The following NKAPD1 variants were observed in gnomAD, a reference collection of about 807,000 sequenced individuals.
The protein encoded by NKAPD1 is NKAP domain containing 1.
NKAPD1 carries 12 observed loss-of-function variants against 30.9 expected under a neutral mutation model. The observed-to-expected ratio is 0.39, with a 90% CI of 0.25 to 0.63. NKAPD1 has a LOEUF of 0.63. Ranked by LOEUF, NKAPD1 falls within the 20% of genes least tolerant of loss-of-function variation. The pLI is 0.51. For missense variants in NKAPD1, 311 were observed against 344.5 expected (o/e 0.90, Z 0.77); for synonymous variants, 91 against 113.6 (o/e 0.80, Z 1.26).
chr11:112,082,308 A>G, intron 5 of NKAPD1, 157 bp from the exon 6 acceptor site: 1 of 764,166 alleles, frequency 1.3e-6, no homozygotes, highest in Non-Finnish European at 2.0e-6. Flanking sequence ...TGAGGAAACA[A>G]AAACTCAATG....
rs1192560465 is a variant in NKAPD1 at position 112,083,936 on chromosome 11, A to G, written c.*964A>G. 8 of 152,612 alleles carry G rather than the reference A, an allele frequency of 5.2e-5. No homozygotes were observed. Among genetic ancestry groups the G allele is most frequent in the Non-Finnish European group, 2.9e-5 (2 of 68,030 alleles). The allele number at this position is 152,612 out of a possible 1,614,324, so 9.5% of individuals were successfully genotyped here. A position where few individuals can be genotyped will look rare whatever the true frequency, so the allele number is the denominator to read the frequency against. ...TCTTCCCAGTCTGCCTTTGGATTAA[A>G]GCACCAAGCAGAGACCACATTAATT... On this transcript the variant is annotated 3_prime_UTR_variant, in exon 6 of 6. Coordinates refer to ENST00000393047, the MANE Select transcript of NKAPD1 (RefSeq NM_018195.4).
chr11:112,080,359 A>T lies in NKAPD1; in HGVS notation c.171-50A>T, dbSNP rs376244466. On this transcript the variant is annotated intron_variant, in intron 3 of 5. Coordinates refer to ENST00000393047, the MANE Select transcript of NKAPD1 (RefSeq NM_018195.4). Reference sequence around the variant, plus strand: ...TTTGTGCATGATGTTCCATAAAGTAAACTCACAGATTGCTTTTACATCTAA... The same window carrying T: ...TTTGTGCATGATGTTCCATAAAGTATACTCACAGATTGCTTTTACATCTAA... The T allele has an allele frequency of 5.0e-6, 8 of 1,601,054 alleles. No individual in the cohort carries two copies. The African/African-American group carries it at 8.1e-5, about 16-fold the overall frequency.
intron 3 of NKAPD1, among the ~76,000 whole-genome samples, chr11:112,079,933 C>T (rs1417168324): frequency 6.6e-6 from 1 of 152,130 alleles, no homozygotes; most frequent in Non-Finnish European, 1.5e-5. Flanking sequence ...CTGCCTCAGC[C>T]TTCCAAGTAG....
At chr11:112,079,231 C>T (rs112116519) in intron 3 of NKAPD1, among the ~76,000 whole-genome samples, 1,951 of 150,730 alleles carry the variant, frequency 0.013, 36 homozygotes, top group African/African-American at 0.044. Flanking sequence ...CTGCAACCTC[C>T]GCCTCCTGGA....
intron 5 of NKAPD1, 179 bp downstream of exon 5, chr11:112,082,214 C>T (rs1480552170): frequency 2.4e-5 from 17 of 704,574 alleles, no homozygotes; most frequent in Non-Finnish European, 3.7e-5. Context: ...TTTGGCATGT[C>T]TGTAAGCATT....
rs1865517897 is a variant in NKAPD1, at chr11:112,083,879, A to C, written c.*907A>C. 6.6e-6 allele frequency: 1 copy of C among 152,566 alleles called. No homozygotes were observed. The highest frequency in any genetic ancestry group is 1.5e-5 in the Non-Finnish European group (1 of 68,030). The allele number at this position is 152,566 out of a possible 1,614,324, so 9.5% of individuals were successfully genotyped here. On this transcript the variant is annotated 3_prime_UTR_variant, in exon 6 of 6. Coordinates refer to ENST00000393047, the MANE Select transcript of NKAPD1 (RefSeq NM_018195.4). ...TGAAACTAAGTTGAATTATTTCCAA[A>C]ATGAAACAGGCTTCTCAGGGACATA...
chr11:112,078,071 C>T, intron 2 of NKAPD1, 144 bp from the exon 3 acceptor site: 1 of 568,248 alleles, frequency 1.8e-6, no homozygotes, highest in Non-Finnish European at 3.1e-6. Flanking sequence ...GTGTCAAACT[C>T]TTGACCTCAT....
chr11:112,080,341 A>G, intron 3 of NKAPD1, 68 bp from the exon 4 acceptor site: 4 of 1,517,202 alleles, frequency 2.6e-6, no homozygotes, highest in African/African-American at 1.4e-5. Context: ...AGTTTTGTGC[A>G]TGATGTTCCA....
intron 2 of NKAPD1, 113 bp downstream of exon 2, chr11:112,075,756 G>A (rs1865316172): frequency 1.9e-6 from 2 of 1,061,718 alleles, no homozygotes; most frequent in Admixed American, 5.5e-5. Flanking sequence ...TCTAGTTTTT[G>A]GAAGCTTCCG....
chr11:112,081,994 T>C lies in NKAPD1; in HGVS notation c.333T>C (p.Ser111=). 1 of 1,612,714 alleles carries C rather than the reference T, an allele frequency of 6.2e-7. No individual in the cohort carries two copies. Among genetic ancestry groups the C allele is most frequent in the Non-Finnish European group, 8.5e-7 (1 of 1,178,974 alleles). ...TGTCATATTACAGATGGGGTCACAGTGGTTATAAAGAGTTATACCCTGAAG... is the reference window on the plus strand; with the variant it reads ...TGTCATATTACAGATGGGGTCACAGCGGTTATAAAGAGTTATACCCTGAAG... ...EANMPDRWGH[S]GYKELYPEEF... Residue 111 remains serine, a synonymous_variant, in exon 5 of 6, where the codon AGT becomes AGC. Coordinates refer to ENST00000393047, the MANE Select transcript of NKAPD1 (RefSeq NM_018195.4).
intron 1 of NKAPD1, 83 bp from the exon 2 acceptor site, chr11:112,075,484 C>T: frequency 1.0e-6 from 1 of 1,001,362 alleles, no homozygotes; most frequent in Non-Finnish European, 1.5e-6. Flanking sequence ...TCCTGTACCT[C>T]ATATGCTTCT....
At chr11:112,078,467 A>G (rs910782133) in intron 3 of NKAPD1, 152 bp downstream of exon 3, 6 of 695,028 alleles carry the variant, frequency 8.6e-6, no homozygotes, top group Non-Finnish European at 1.5e-5. Flanking sequence ...AGGCATAAAG[A>G]TAATGGCTGT....
In NKAPD1 at chr11:112,084,157, A is replaced by T. The variant is rs1865524643; in HGVS notation, c.*1185A>T. On this transcript the variant is annotated 3_prime_UTR_variant, in exon 6 of 6. Transcript: ENST00000393047. Reference sequence around the variant, plus strand: ...TCAGACTTTCGGTCTTGGTTCTGCCACTCATTGGTTATGAGGAGGCCCAGA... The same window carrying T: ...TCAGACTTTCGGTCTTGGTTCTGCCTCTCATTGGTTATGAGGAGGCCCAGA... 6.6e-6 allele frequency: 1 copy of T among 152,542 alleles called. No individual in the cohort carries two copies. The highest frequency in any genetic ancestry group is 2.4e-5 in the African/African-American group (1 of 41,386). 9.4% of individuals were successfully genotyped at this position (152,542 alleles called of 1,614,324 possible). A position where few individuals can be genotyped will look rare whatever the true frequency, so the allele number is the denominator to read the frequency against.
chr11:112,076,568 G>A (rs1045299331), intron 2 of NKAPD1, among the ~76,000 whole-genome samples: 2 of 152,162 alleles, frequency 1.3e-5, no homozygotes, highest in East Asian at 1.9e-4. Flanking sequence ...AAGCCATAGC[G>A]ATACCATAAA....
At chr11:112,075,396 G>T (rs1865301531) in intron 1 of NKAPD1, among the ~76,000 whole-genome samples, 171 bp from the exon 2 acceptor site, 1 of 152,168 alleles carries the variant, frequency 6.6e-6, no homozygotes, top group Non-Finnish European at 1.5e-5. Context: ...TCACATTAGT[G>T]TGTTTAGGCA....
rs757250621 is a variant in NKAPD1, at chr11:112,078,283, G to A, written c.138G>A (p.Gly46=). The part of the protein sequence containing the change: ...LEKQMEDAYR[G]TKRKMLPSSS... The stretch of plus-strand genomic sequence containing the variant: ...AACAGATGGAAGATGCTTACCGGGG[G>A]ACCAAAAGGAAAATGCTACCCAGCA... Residue 46 remains glycine, a synonymous_variant, in exon 3 of 6, where the codon GGG becomes GGA. Coordinates refer to ENST00000393047, the MANE Select transcript of NKAPD1 (RefSeq NM_018195.4). 8.7e-6 allele frequency: 14 copies of A among 1,612,818 alleles called. No homozygotes were observed. The Admixed American group carries it at 2.0e-4, about 23-fold the overall frequency.
At chr11:112,078,673 G>C (rs528583950) in intron 3 of NKAPD1, among the ~76,000 whole-genome samples, 1 of 152,130 alleles carries the variant, frequency 6.6e-6, no homozygotes, top group South Asian at 2.1e-4. Flanking sequence ...ATTCTTTCAG[G>C]CTTTTCTTTT....
At position 112,082,967 on chromosome 11, in the gene NKAPD1, G is replaced by C. The variant is rs913156600; in HGVS notation, c.877G>C (p.Asp293His). 1 of 1,583,484 alleles carries C rather than the reference G, an allele frequency of 6.3e-7. No individual in the cohort carries two copies. The highest frequency in any genetic ancestry group is 2.0e-5 in the Admixed American group (1 of 50,436). Residue 293 changes from aspartate to histidine, a missense_variant, in exon 6 of 6, where the codon GAC becomes CAC. Coordinates refer to ENST00000393047, the MANE Select transcript of NKAPD1 (RefSeq NM_018195.4). ...AAGGTCTGCTGAGAGCTCAGAGGAT[G>C]ACTAAATGGGAAACACTTTTGTTTT... The part of the protein sequence containing the change: ...DERSAESSED[D>H]
Position 112,084,165 on chromosome 11 carries a change from G to C in NKAPD1, c.*1193G>C, listed in dbSNP as rs1865524797. On this transcript the variant is annotated 3_prime_UTR_variant, in exon 6 of 6. Transcript: ENST00000393047. The stretch of plus-strand genomic sequence containing the variant: ...TCGGTCTTGGTTCTGCCACTCATTG[G>C]TTATGAGGAGGCCCAGAGCAGGTAA... 6.6e-6 allele frequency: 1 copy of C among 152,578 alleles called. No homozygotes were observed. Among genetic ancestry groups the C allele is most frequent in the South Asian group, 2.1e-4 (1 of 4,832 alleles). 9.5% of individuals were successfully genotyped at this position (152,578 alleles called of 1,614,324 possible). A position where few individuals can be genotyped will look rare whatever the true frequency, so the allele number is the denominator to read the frequency against.
Sources: gnomAD v4.1 joint callset for allele counts (sites outside exome capture counted in the v4.1 genomes callset) on GRCh38, gnomAD v4.1.1 for gene constraint, MANE v1.5 for transcripts, NCBI Gene and HGNC (gene_info 2026-07-23, HGNC 2026-07-21) for gene names.